Variants in GRAMD1B observed in about 807,000 individuals in gnomAD.
GRAMD1B encodes the protein GRAM domain containing 1B.
Under a neutral mutation model 99.7 loss-of-function variants are expected in GRAMD1B, and 37 were observed. That is an observed-to-expected ratio of 0.37 (90% confidence interval 0.29 to 0.49). GRAMD1B has a LOEUF of 0.49. Among genes scored for constraint, GRAMD1B ranks in the 20% least tolerant of loss-of-function variants. The pLI, the probability that GRAMD1B is intolerant of heterozygous loss-of-function variation, is 0.98. For missense variants in GRAMD1B, 888 were observed against 1,009.2 expected, an observed-to-expected ratio of 0.88 and a Z score of 1.63; for synonymous variants, 427 against 387.6, an observed-to-expected ratio of 1.10 and a Z score of -1.19.
chr11:123,545,108 C>G (rs992436224), intron 2 of GRAMD1B, among the ~76,000 whole-genome samples: 1 of 152,176 alleles, frequency 6.6e-6, no homozygotes, highest in Admixed American at 6.5e-5. Flanking sequence ...AGAATTGCCT[C>G]ACAGCCACCA....
chr11:123,519,388 T>C (rs977449475), intron 2 of GRAMD1B, among the ~76,000 whole-genome samples: 26 of 152,204 alleles, frequency 1.7e-4, no homozygotes, highest in African/African-American at 4.6e-4. Context: ...AGGCTCTCTA[T>C]TGAGTGCAGT....
chr11:123,571,853 A>G (rs1284812312), intron 2 of GRAMD1B, among the ~76,000 whole-genome samples: 3 of 151,838 alleles, frequency 2.0e-5, no homozygotes, highest in Non-Finnish European at 4.4e-5. Context: ...CCCTCCTTGA[A>G]CCCCGTACCC....
Position 123,485,975 on chromosome 11 carries a change from C to T in GRAMD1B, c.452+5082C>T, listed in dbSNP as rs578193249. ...AAGCAATCCACCTGCCTCTGTCTCC[C>T]AAAGTGTTGGGATTACAGGCGTGAG... On this transcript the variant is annotated intron_variant, in intron 2 of 19. Transcript: ENST00000635736. Among the ~76,000 whole-genome samples, 4 of 152,288 alleles carry T rather than the reference C, an allele frequency of 2.6e-5. No homozygotes were observed. In the South Asian group the frequency reaches 8.3e-4, roughly 32 times the overall value.
chr11:123,525,196 C>T (rs781126443), intron 2 of GRAMD1B, among the ~76,000 whole-genome samples: 36 of 152,352 alleles, frequency 2.4e-4, no homozygotes, highest in African/African-American at 8.2e-4. Context: ...CCTCACCCTG[C>T]GTCCCAGAAG....
intron 1 of GRAMD1B, among the ~76,000 whole-genome samples, chr11:123,387,664 GTT>G (rs1565465712): frequency 6.6e-6 from 1 of 152,116 alleles, no homozygotes; most frequent in African/African-American, 2.4e-5. Context: ...TCAGGGTTTT[GTT>G]TCCTGGCCCT....
At chr11:123,516,708 T>A (rs1357306237) in intron 2 of GRAMD1B, among the ~76,000 whole-genome samples, 1 of 152,178 alleles carries the variant, frequency 6.6e-6, no homozygotes, top group Non-Finnish European at 1.5e-5. Context: ...CCTATGCTCG[T>A]TTTGGAAAAC....
chr11:123,549,497 G>C (rs779644373), intron 2 of GRAMD1B, among the ~76,000 whole-genome samples: 1 of 151,974 alleles, frequency 6.6e-6, no homozygotes, highest in Non-Finnish European at 1.5e-5. Context: ...AGCCGAGATC[G>C]TGCCACTGCC....
intron 1 of GRAMD1B, among the ~76,000 whole-genome samples, chr11:123,410,292 G>C (rs952628169): frequency 6.6e-6 from 1 of 152,196 alleles, no homozygotes. Flanking sequence ...AAGTGTGTGT[G>C]TTGGGGAATC....
chr11:123,396,700 T>G (rs560516203), intron 1 of GRAMD1B, among the ~76,000 whole-genome samples: 1 of 152,294 alleles, frequency 6.6e-6, no homozygotes, highest in African/African-American at 2.4e-5. Context: ...ACCTCAGGGA[T>G]TTTACTTTGT....
chr11:123,534,391 C>T (rs553365322), intron 2 of GRAMD1B, among the ~76,000 whole-genome samples: 7 of 152,184 alleles, frequency 4.6e-5, no homozygotes, highest in Non-Finnish European at 7.4e-5. Context: ...AAGATTTGCA[C>T]GTATTTGGAC....
chr11:123,436,972 C>T (rs529272961), intron 1 of GRAMD1B, among the ~76,000 whole-genome samples: 1 of 152,228 alleles, frequency 6.6e-6, no homozygotes, highest in South Asian at 2.1e-4. Flanking sequence ...TCTCATTGTT[C>T]AATTCCCACC....
intron 2 of GRAMD1B, among the ~76,000 whole-genome samples, chr11:123,558,626 T>A (rs1259988349): frequency 1.3e-5 from 2 of 152,204 alleles, no homozygotes; most frequent in Admixed American, 1.3e-4. Context: ...CTGACTCTAG[T>A]CCAAGATCTT....
chr11:123,560,221 C>G, intron 2 of GRAMD1B: 1 of 1,038,472 alleles, frequency 9.6e-7, no homozygotes. Context: ...AAGAGGGGTG[C>G]GTGTCTGAGT....
intron 3 of GRAMD1B, among the ~76,000 whole-genome samples, chr11:123,579,525 C>T (rs1327135411): frequency 2.0e-5 from 3 of 152,286 alleles, no homozygotes; most frequent in Admixed American, 6.5e-5. Context: ...TGGGCTCCAG[C>T]GGCTCGGCAG....
intron 2 of GRAMD1B, among the ~76,000 whole-genome samples, chr11:123,524,122 G>C (rs1345431107): frequency 6.6e-6 from 1 of 152,076 alleles, no homozygotes; most frequent in African/African-American, 2.4e-5. Flanking sequence ...AGTTCGGTTT[G>C]AGTAAGGTCA....
intron 10 of GRAMD1B, 136 bp from the exon 11 acceptor site, chr11:123,606,473 A>G: frequency 1.4e-6 from 1 of 724,790 alleles, no homozygotes; most frequent in East Asian, 2.7e-5. Context: ...AGGGCTTTGG[A>G]GCCTGACTCT....
chr11:123,542,797 T>A (rs1211624636), intron 2 of GRAMD1B, among the ~76,000 whole-genome samples: 1 of 151,968 alleles, frequency 6.6e-6, no homozygotes, highest in Non-Finnish European at 1.5e-5. Flanking sequence ...GGATTACAGG[T>A]GCGTGCCACC....
rs568090098 is a variant in GRAMD1B at position 123,452,087 on chromosome 11, G to A, written c.374+20921G>A. On this transcript the variant is annotated intron_variant, in intron 1 of 19. Coordinates refer to ENST00000635736, the MANE Select transcript of GRAMD1B (RefSeq NM_001387025.1). ...AGCCTCAAGAAATTCTCTTTCCTTGGCCTCCTAAAATGTTGGGATTACAGA... is the reference window on the plus strand; with the variant it reads ...AGCCTCAAGAAATTCTCTTTCCTTGACCTCCTAAAATGTTGGGATTACAGA... 1.4e-3 allele frequency among the ~76,000 whole-genome samples: 206 copies of A among 152,164 alleles called. 1 individual carries two copies. The highest frequency in any genetic ancestry group is 4.7e-3 in the African/African-American group (193 of 41,498).
rs891369390 is a variant in GRAMD1B at position 123,619,443 on chromosome 11, C to A, written c.2544+219C>A. On this transcript the variant is annotated intron_variant, in intron 19 of 19. Transcript: ENST00000635736. ...TAAAAAATAAGAACAATAAAATGACCCACTGAATTTGCACCAGGAAAGCTG... is the reference window on the plus strand; with the variant it reads ...TAAAAAATAAGAACAATAAAATGACACACTGAATTTGCACCAGGAAAGCTG... 6.7e-6 allele frequency: 9 copies of A among 1,344,574 alleles called. No homozygotes were observed. The African/African-American group carries it at 1.3e-4, about 20-fold the overall frequency. 83.3% of individuals were successfully genotyped at this position (1,344,574 alleles called of 1,614,324 possible).
Sources: gnomAD v4.1 joint callset for allele counts (sites outside exome capture counted in the v4.1 genomes callset) on GRCh38, gnomAD v4.1.1 for gene constraint, MANE v1.5 for transcripts, NCBI Gene and HGNC (gene_info 2026-07-23, HGNC 2026-07-21) for gene names.